The following RAC1 variants were observed in gnomAD, a reference collection of about 807,000 sequenced individuals.
RAC1 encodes ras-related C3 botulinum toxin substrate 1.
A neutral mutation model predicts 25.2 loss-of-function variants in RAC1; 2 were observed. The ratio of observed to expected loss-of-function variants is 0.08; its 90% CI spans 0.03 to 0.25. The LOEUF is 0.25. RAC1 is among the 10% of genes least tolerant of loss of function. The pLI, the probability that RAC1 is intolerant of heterozygous loss-of-function variation, is 1.00. For synonymous variants in RAC1, 88 were observed against 94.0 expected (o/e 0.94, Z 0.37); for missense variants, 50 against 235.7 (o/e 0.21, Z 5.16).
chr7:6,397,766 G>C (rs556898507), intron 3 of RAC1, among the ~76,000 whole-genome samples: 1 of 152,276 alleles, frequency 6.6e-6, no homozygotes, highest in East Asian at 1.9e-4. Context: ...GGTGGGTGGA[G>C]CACCTGAGGT....
At chr7:6,388,732 CATTAATG>C (rs1782997059) in intron 2 of RAC1, among the ~76,000 whole-genome samples, 1 of 152,080 alleles carries the variant, frequency 6.6e-6, no homozygotes, top group Non-Finnish European at 1.5e-5. Flanking sequence ...AAGGTTTAAT[CATTAATG>C]ATTAATGATT....
rs1392120508 is a variant in RAC1, at chr7:6,403,946, CTT to C, written c.*1501_*1502del. 4.7e-6 allele frequency: 1 copy of C among 213,758 alleles called. No homozygotes were observed. The highest frequency in any genetic ancestry group is 2.3e-5 in the African/African-American group (1 of 44,224). 13.2% of individuals were successfully genotyped at this position (213,758 alleles called of 1,614,324 possible). ...TTAGCATTATGTTTTGCATGTATGACTTAATAAATCCTTGAATCATACGACTG... is the reference window on the plus strand; with the variant it reads ...TTAGCATTATGTTTTGCATGTATGACAATAAATCCTTGAATCATACGACTG... On this transcript the variant is annotated 3_prime_UTR_variant, in exon 6 of 6. Coordinates refer to ENST00000348035, the MANE Select transcript of RAC1 (RefSeq NM_006908.5).
chr7:6,399,570 C>T (rs1783340828), intron 3 of RAC1, among the ~76,000 whole-genome samples: 1 of 152,190 alleles, frequency 6.6e-6, no homozygotes, highest in Non-Finnish European at 1.5e-5. Flanking sequence ...CCTGGCTGTG[C>T]TGACTCTAGG....
chr7:6,383,929 A>G (rs981553977), intron 1 of RAC1, among the ~76,000 whole-genome samples: 1 of 149,598 alleles, frequency 6.7e-6, no homozygotes, highest in Non-Finnish European at 1.5e-5. Flanking sequence ...CAGCCTCCCG[A>G]GTAGCTGGGA....
At chr7:6,400,912 T>G (rs1783381887) in intron 4 of RAC1, among the ~76,000 whole-genome samples, 1 of 152,132 alleles carries the variant, frequency 6.6e-6, no homozygotes, top group Non-Finnish European at 1.5e-5. Flanking sequence ...CGACCTCAGG[T>G]GATCCGCGCG....
intron 1 of RAC1, among the ~76,000 whole-genome samples, chr7:6,386,327 G>T (rs1009737966): frequency 6.6e-6 from 1 of 152,178 alleles, no homozygotes; most frequent in Non-Finnish European, 1.5e-5. Flanking sequence ...GCAGTTACGT[G>T]TGGTAGTTTA....
At position 6,389,687 on chromosome 7, in the gene RAC1, GA is replaced by G. The variant is rs920990843; in HGVS notation, c.108-2227del. On this transcript the variant is annotated intron_variant, in intron 2 of 5. Coordinates refer to ENST00000348035, the MANE Select transcript of RAC1 (RefSeq NM_006908.5). ...AGAACAAGACATTGTCTCCAAAAAA[GA>G]AAAAAAAAATATGTGTTTTTGTAGA... 1.1e-3 allele frequency among the ~76,000 whole-genome samples: 162 copies of G among 147,690 alleles called. No homozygotes were observed. The Middle Eastern group carries it at 0.014, about 13-fold the overall frequency.
intron 1 of RAC1, 47 bp from the exon 2 acceptor site, chr7:6,387,165 G>C (rs1250128894): frequency 8.4e-7 from 1 of 1,196,510 alleles, no homozygotes; most frequent in South Asian, 1.3e-5. Flanking sequence ...TGAAAGCTAA[G>C]ATTACATTCA....
chr7:6,379,714 C>T (rs148084545), intron 1 of RAC1, among the ~76,000 whole-genome samples: 1 of 152,276 alleles, frequency 6.6e-6, no homozygotes, highest in East Asian at 1.9e-4. Flanking sequence ...CTGGCCTAAA[C>T]AACAGTTTTA....
intron 2 of RAC1, among the ~76,000 whole-genome samples, chr7:6,390,614 T>C (rs1034757271): frequency 1.3e-5 from 2 of 150,854 alleles, no homozygotes; most frequent in African/African-American, 2.4e-5. Context: ...AAAATAATAA[T>C]AATAATGATA....
intron 1 of RAC1, among the ~76,000 whole-genome samples, chr7:6,379,196 G>T (rs1782692402): frequency 6.6e-6 from 1 of 151,382 alleles, no homozygotes; most frequent in African/African-American, 2.4e-5. Flanking sequence ...CCACCTCCTG[G>T]GTTCAAGTGA....
At chr7:6,386,085 C>CTGG (rs1278367218) in intron 1 of RAC1, among the ~76,000 whole-genome samples, 1 of 152,208 alleles carries the variant, frequency 6.6e-6, no homozygotes, top group Admixed American at 6.5e-5. Context: ...TGGCGGCACA[C>CTGG]TGGTAATATT....
chr7:6,379,938 T>C (rs1782718522), intron 1 of RAC1, among the ~76,000 whole-genome samples: 1 of 152,118 alleles, frequency 6.6e-6, no homozygotes, highest in Non-Finnish European at 1.5e-5. Context: ...AGTGTTGTTT[T>C]GGTGTTGGTT....
intron 3 of RAC1, chr7:6,398,520 A>T (rs1783309987): frequency 1.5e-6 from 1 of 661,326 alleles, no homozygotes; most frequent in Admixed American, 2.9e-5. Flanking sequence ...GTCATCGAAG[A>T]TATGTTAGAA....
chr7:6,398,960 T>A (rs1689708456), intron 3 of RAC1, among the ~76,000 whole-genome samples: 1 of 152,200 alleles, frequency 6.6e-6, no homozygotes, highest in Non-Finnish European at 1.5e-5. Context: ...GAGGGGACAG[T>A]GAGAGGGCCC....
intron 3 of RAC1, among the ~76,000 whole-genome samples, chr7:6,396,413 A>AT (rs1460331239): frequency 6.6e-6 from 1 of 152,178 alleles, no homozygotes; most frequent in Non-Finnish European, 1.5e-5. Context: ...GGGAAGCTAT[A>AT]TTTAGCTGGG....
intron 2 of RAC1, among the ~76,000 whole-genome samples, chr7:6,388,670 C>A (rs964743974): frequency 6.6e-6 from 1 of 151,774 alleles, no homozygotes; most frequent in Non-Finnish European, 1.5e-5. Flanking sequence ...TCATGCTGTC[C>A]CTGTTGTCCT....
At chr7:6,377,855 A>G (rs528998956) in intron 1 of RAC1, among the ~76,000 whole-genome samples, 69 of 152,274 alleles carry the variant, frequency 4.5e-4, no homozygotes, top group African/African-American at 1.5e-3. Context: ...CAGTGAGCCA[A>G]GATTGTACCA....
At chr7:6,400,090 G>T (rs1783354213) in intron 3 of RAC1, 36 bp from the exon 4 acceptor site, 1 of 1,560,862 alleles carries the variant, frequency 6.4e-7, no homozygotes, top group East Asian at 2.2e-5. Context: ...TTCTAAGGTT[G>T]TTGTCTAAAT....
Sources: allele counts gnomAD v4.1 joint callset (sites outside exome capture counted in the v4.1 genomes callset), GRCh38; gene constraint gnomAD v4.1.1; transcripts MANE v1.5; gene names NCBI Gene and HGNC (gene_info 2026-07-23, HGNC 2026-07-21).